MPDZ: variants seen among roughly 807,000 people sequenced by gnomAD.
MPDZ encodes the protein multiple PDZ domain protein.
In MPDZ, 234 loss-of-function variants were observed where a neutral mutation model predicts 239.1. The ratio of observed to expected loss-of-function variants is 0.98; its 90% CI spans 0.88 to 1.09. The LOEUF (loss-of-function observed/expected upper bound fraction) is 1.09, where lower values mean the gene tolerates loss of function less well. Ranked by LOEUF, MPDZ falls within the 50% of genes least tolerant of loss-of-function variation. The pLI is 0.00. For synonymous variants in MPDZ, 1,048 were observed against 881.3 expected, an observed-to-expected ratio of 1.19 and a Z score of -3.35; for missense variants, 3,175 against 2,510.0, an observed-to-expected ratio of 1.26 and a Z score of -5.66.
At chr9:13,156,362 C>G (rs927405984) in intron 24 of MPDZ, among the ~76,000 whole-genome samples, 2 of 152,164 alleles carry the variant, frequency 1.3e-5, no homozygotes, top group Admixed American at 1.3e-4. Flanking sequence ...ATACCTGAGA[C>G]TGGGCAATTT....
At chr9:13,242,336 G>A (rs1029360134) in intron 3 of MPDZ, among the ~76,000 whole-genome samples, 17 of 142,126 alleles carry the variant, frequency 1.2e-4, no homozygotes, top group African/African-American at 3.1e-4. Context: ...AGCAATTCTC[G>A]TGCCTCAGCC....
At chr9:13,113,552 G>A (rs770829405) in intron 41 of MPDZ, among the ~76,000 whole-genome samples, 4 of 152,054 alleles carry the variant, frequency 2.6e-5, no homozygotes, top group Non-Finnish European at 5.9e-5. Context: ...AACACAGGAG[G>A]ATCACATTAA....
At chr9:13,165,293 A>G in intron 22 of MPDZ, 11 of 1,491,848 alleles carry the variant, frequency 7.4e-6, no homozygotes, top group Non-Finnish European at 1.0e-5. Context: ...GGGACATTAC[A>G]AAAGCACAAA....
rs533952499 is a variant in MPDZ at position 13,188,917 on chromosome 9, C to T, written c.2231G>A (p.Arg744Gln). 10 of 1,613,444 alleles carry T rather than the reference C, an allele frequency of 6.2e-6. No homozygotes were observed. Among genetic ancestry groups the T allele is most frequent in the Middle Eastern group, 1.7e-4 (1 of 6,056 alleles). ...CATGAGTCGGTCACCAGGAAGAAGT[C>T]GTCCATCCTTTTCAGCAATGCCGCC... ...VPGGIAEKDG[R>Q]LLPGDRLMFV... The change falls in exon 17 of 47, where the codon CGA becomes CAA. Residue 744 changes from arginine to glutamine, a missense_variant. By Grantham distance (43) the Arg-to-Gln change is conservative (BLOSUM62 1). Coordinates refer to ENST00000319217, the MANE Select transcript of MPDZ (RefSeq NM_001378778.1).
intron 3 of MPDZ, among the ~76,000 whole-genome samples, chr9:13,230,730 AAAAC>A (rs777672765): frequency 7.9e-5 from 12 of 152,116 alleles, no homozygotes; most frequent in Admixed American, 2.6e-4. Flanking sequence ...TATATAAGTA[AAAAC>A]AAACAAACAA....
At chr9:13,186,177 AAG>A (rs565698311) in intron 18 of MPDZ, 91 bp downstream of exon 18, 124 of 581,488 alleles carry the variant, frequency 2.1e-4, no homozygotes, top group Non-Finnish European at 3.0e-4. Context: ...ATAATGAACA[AAG>A]AATATAATAG....
chr9:13,213,921 T>C (rs1254218212), intron 10 of MPDZ, among the ~76,000 whole-genome samples: 1 of 152,050 alleles, frequency 6.6e-6, no homozygotes, highest in Non-Finnish European at 1.5e-5. Context: ...CTATCAGATA[T>C]TGTCAATAAA....
Position 13,119,600 on chromosome 9 carries a change from C to G in MPDZ, c.5281G>C (p.Asp1761His), listed in dbSNP as rs1944025967. 6.2e-7 allele frequency: 1 copy of G among 1,613,888 alleles called. No homozygotes were observed. Among genetic ancestry groups the G allele is most frequent in the African/African-American group, 1.3e-5 (1 of 74,938 alleles). The change falls in exon 39 of 47, where the codon GAT becomes CAT. Residue 1761 changes from aspartate (D) to histidine (H), a missense_variant. By Grantham distance (81) the Asp-to-His change is moderately conservative. Transcript: ENST00000319217. ...CCCTGCATCAGTCTTCCATCGGCAT[C>G]TGCAATTCCTCCTTTGACAATGTCT... ...VSDIVKGGIA[D>H]ADGRLMQGDQ...
Position 13,193,178 on chromosome 9 carries a change from C to T in MPDZ, c.1792G>A (p.Glu598Lys), listed in dbSNP as rs771930410. The T allele has an allele frequency of 6.3e-6, 10 of 1,579,162 alleles. No homozygotes were observed. The highest frequency in any genetic ancestry group is 5.4e-5 in the African/African-American group (4 of 74,166). ...GCATAGCTCCTTACTTCCAATAGCTCGTCTCCACTGAAGAGCTTCCCGCTG... is the reference window on the plus strand; with the variant it reads ...GCATAGCTCCTTACTTCCAATAGCTTGTCTCCACTGAAGAGCTTCCCGCTG... ...GHSGKLFSGD[E>K]LLEVNGITLL... The change falls in exon 14 of 47, where the codon GAG becomes AAG. Residue 598 changes from glutamate (E) to lysine (K), a missense_variant. Coordinates refer to ENST00000319217, the MANE Select transcript of MPDZ (RefSeq NM_001378778.1).
intron 46 of MPDZ, among the ~76,000 whole-genome samples, chr9:13,107,772 C>T (rs1162326493): frequency 2.6e-5 from 4 of 151,992 alleles, no homozygotes; most frequent in African/African-American, 4.8e-5. Context: ...AGAAAAAGAA[C>T]CCCATCTTAA....
chr9:13,225,344 A>T (rs1042960820), intron 3 of MPDZ, among the ~76,000 whole-genome samples: 5 of 152,012 alleles, frequency 3.3e-5, no homozygotes, highest in African/African-American at 1.2e-4. Context: ...AGAGTTTTTT[A>T]CCTGTCCTTA....
chr9:13,252,423 G>C (rs1181384348), intron 1 of MPDZ, among the ~76,000 whole-genome samples: 2 of 151,910 alleles, frequency 1.3e-5, no homozygotes, highest in Non-Finnish European at 2.9e-5. Flanking sequence ...AAAATTAGCT[G>C]GGTGTGGTGG....
chr9:13,176,983 C>T (rs1286280608), intron 19 of MPDZ, among the ~76,000 whole-genome samples: 4 of 151,984 alleles, frequency 2.6e-5, no homozygotes, highest in South Asian at 2.1e-4. Flanking sequence ...ATATTCTGTA[C>T]GATATAACAG....
At position 13,196,164 on chromosome 9, in the gene MPDZ, A is replaced by G. The variant is rs779010648; in HGVS notation, c.1613T>C (p.Leu538Pro). The G allele has an allele frequency of 3.1e-6, 5 of 1,603,666 alleles. No individual in the cohort carries two copies. The South Asian group carries it at 5.6e-5, about 18-fold the overall frequency. The change falls in exon 13 of 47, where the codon CTG (leucine) becomes CCG (proline). Residue 538 changes from leucine (L) to proline (P), a missense_variant. By Grantham distance (98) the Leu-to-Pro change is moderately conservative (BLOSUM62 -3). Coordinates refer to ENST00000319217, the MANE Select transcript of MPDZ (RefSeq NM_001378778.1). ...EDAQKQEAALLTKWQRIMGIN... is the reference protein window; with the variant it reads ...EDAQKQEAALPTKWQRIMGIN... Reference sequence around the variant, plus strand: ...TCCCATAATCCTTTGCCATTTTGTCAGCAGAGCAGCTTCTTGTTTTTGTGC... The same window carrying G: ...TCCCATAATCCTTTGCCATTTTGTCGGCAGAGCAGCTTCTTGTTTTTGTGC...
At chr9:13,253,161 C>T (rs940649761) in intron 1 of MPDZ, among the ~76,000 whole-genome samples, 1 of 150,790 alleles carries the variant, frequency 6.6e-6, no homozygotes, top group African/African-American at 2.4e-5. Context: ...TCCAGAAGTT[C>T]ACCTACAAGT....
Position 13,125,148 on chromosome 9 carries a change from A to G in MPDZ, c.4807+68T>C. 3.5e-6 allele frequency: 5 copies of G among 1,419,608 alleles called. No homozygotes were observed. In the East Asian group the frequency reaches 7.0e-5, roughly 20 times the overall value. 87.9% of individuals were successfully genotyped at this position (1,419,608 alleles called of 1,614,324 possible). ...GCCACAGGTAGGCAGCTGGCTCCCAAGCAGAAACCCTCTGCTGAGTTCAGG... is the reference window on the plus strand; with the variant it reads ...GCCACAGGTAGGCAGCTGGCTCCCAGGCAGAAACCCTCTGCTGAGTTCAGG... On this transcript the variant is annotated intron_variant, in intron 35 of 46. Coordinates refer to ENST00000319217, the MANE Select transcript of MPDZ (RefSeq NM_001378778.1).
intron 3 of MPDZ, among the ~76,000 whole-genome samples, chr9:13,242,504 G>A (rs759148408): frequency 1.3e-5 from 2 of 151,396 alleles, no homozygotes; most frequent in Non-Finnish European, 2.9e-5. Flanking sequence ...AGCCTGTTAG[G>A]ATGATTTTAT....
intron 10 of MPDZ, among the ~76,000 whole-genome samples, chr9:13,211,407 T>A (rs1957603670): frequency 6.6e-6 from 1 of 152,062 alleles, no homozygotes; most frequent in African/African-American, 2.4e-5. Context: ...ACACAAGAGG[T>A]TCTCAGAGAC....
rs377695828 is a variant in MPDZ, at chr9:13,236,197, ATGTGTG to A, written c.183+11432_183+11437del. On this transcript the variant is annotated intron_variant, in intron 3 of 46. Coordinates refer to ENST00000319217, the MANE Select transcript of MPDZ (RefSeq NM_001378778.1). Reference sequence around the variant, plus strand: ...TTTGTGTGTGTGTGTTTCTGTATATATGTGTGTGTGTGTGTGTGTGTGTGTGTGTAT... The same window carrying A: ...TTTGTGTGTGTGTGTTTCTGTATATATGTGTGTGTGTGTGTGTGTGTGTAT... Among the ~76,000 whole-genome samples the A allele has an allele frequency of 2.5e-3, 193 of 76,988 alleles. 5 individuals carry two copies. The highest frequency in any genetic ancestry group is 3.1e-3 in the Non-Finnish European group (127 of 41,138). 50.5% of individuals were successfully genotyped at this position (76,988 alleles called of 152,430 possible).
Sources: gnomAD v4.1 joint callset for allele counts (sites outside exome capture counted in the v4.1 genomes callset) on GRCh38, gnomAD v4.1.1 for gene constraint, MANE v1.5 for transcripts, NCBI Gene and HGNC (gene_info 2026-07-23, HGNC 2026-07-21) for gene names.